Variants in EML6 observed in about 807,000 individuals in gnomAD.
The protein encoded by EML6 is EMAP like 6, also known as echinoderm microtubule-associated protein-like 6.
In EML6, 154 loss-of-function variants were observed where a neutral mutation model predicts 240.1. That is an observed-to-expected ratio of 0.64 (90% CI 0.56 to 0.73). The LOEUF is 0.73. EML6 is among the 30% of genes least tolerant of loss of function. The pLI is 0.00. For synonymous variants in EML6, 1,148 were observed against 899.0 expected (o/e 1.28, Z -4.95); for missense variants, 2,964 against 2,474.6 (o/e 1.20, Z -4.20).
chr2:54,750,929 T>A (rs1684134983), intron 2 of EML6, among the ~76,000 whole-genome samples: 1 of 152,138 alleles, frequency 6.6e-6, no homozygotes, highest in African/African-American at 2.4e-5. Context: ...GGGCCAATTT[T>A]TTTAAAAAGG....
At chr2:54,945,151 C>T (rs1368499966) in intron 28 of EML6, among the ~76,000 whole-genome samples, 21 of 96,596 alleles carry the variant, frequency 2.2e-4, no homozygotes, top group Non-Finnish European at 4.1e-4. Flanking sequence ...CTCATCCCTC[C>T]CTACCCCTCC....
intron 26 of EML6, among the ~76,000 whole-genome samples, chr2:54,921,901 C>A (rs1026525077): frequency 6.6e-6 from 1 of 152,088 alleles, no homozygotes; most frequent in African/African-American, 2.4e-5. Context: ...TGGACTTTAT[C>A]TCACACCATT....
At chr2:54,799,802 G>C (rs1205260580) in intron 2 of EML6, among the ~76,000 whole-genome samples, 1 of 152,194 alleles carries the variant, frequency 6.6e-6, no homozygotes, top group Non-Finnish European at 1.5e-5. Context: ...GGTAAAATTA[G>C]CTCCAAGTTT....
At chr2:54,800,840 C>G (rs1670098242) in intron 2 of EML6, among the ~76,000 whole-genome samples, 1 of 152,144 alleles carries the variant, frequency 6.6e-6, no homozygotes, top group African/African-American at 2.4e-5. Flanking sequence ...GGATCCTCAA[C>G]TCCAGCCCAG....
At chr2:54,867,221 C>A (rs144342278) in intron 14 of EML6, 19 of 178,244 alleles carry the variant, frequency 1.1e-4, no homozygotes, top group African/African-American at 4.0e-4. Flanking sequence ...CCCTAATCCC[C>A]TGCTGTGTTT....
chr2:54,887,840 T>G (rs1428454181), intron 17 of EML6, among the ~76,000 whole-genome samples: 1 of 152,200 alleles, frequency 6.6e-6, no homozygotes, highest in African/African-American at 2.4e-5. Context: ...CCTCCTCATA[T>G]GCACAGCCTC....
rs1308887442 is a variant in EML6 at position 54,949,045 on chromosome 2, C to A, written c.4083+85C>A. 5 of 1,010,714 alleles carry A rather than the reference C, an allele frequency of 4.9e-6. No homozygotes were observed. The African/African-American group carries it at 8.0e-5, about 16-fold the overall frequency. The allele number at this position is 1,010,714 out of a possible 1,614,324, so 62.6% of individuals were successfully genotyped here. ...TCCCCATCTGCACGTCCCAAAGACA[C>A]AGTCAAATGAAACGGAGTAGGTCCC... On this transcript the variant is annotated intron_variant, in intron 29 of 41. Coordinates refer to ENST00000356458, the MANE Select transcript of EML6 (RefSeq NM_001039753.4).
rs1204565871 is a variant in EML6, at chr2:54,887,183, C to A, written c.2439-3871C>A. Reference sequence around the variant, plus strand: ...AGTTGGTGGGTTCTGGGAGCATTGACCTGATCCTTTCATTATACAGCTCCC... The same window carrying A: ...AGTTGGTGGGTTCTGGGAGCATTGAACTGATCCTTTCATTATACAGCTCCC... On this transcript the variant is annotated intron_variant, in intron 17 of 41. Transcript: ENST00000356458. Among the ~76,000 whole-genome samples the A allele has an allele frequency of 2.6e-5, 4 of 152,280 alleles. No individual in the cohort carries two copies. In the East Asian group the frequency reaches 7.7e-4, roughly 29 times the overall value.
rs148513976 is a variant in EML6, at chr2:54,752,446, A to T, written c.197+27188A>T. Among the ~76,000 whole-genome samples, 4 of 152,246 alleles carry T rather than the reference A, an allele frequency of 2.6e-5. No homozygotes were observed. The East Asian group carries it at 7.7e-4, about 29-fold the overall frequency. On this transcript the variant is annotated intron_variant, in intron 2 of 41. Coordinates refer to ENST00000356458, the MANE Select transcript of EML6 (RefSeq NM_001039753.4). ...TGCAGCCTGGAACCTCTCACCTACCACTTCCCAGTCATTATGCCCTCTTGA... is the reference window on the plus strand; with the variant it reads ...TGCAGCCTGGAACCTCTCACCTACCTCTTCCCAGTCATTATGCCCTCTTGA...
In EML6 at chr2:54,970,212, G is replaced by A. The variant is rs888643875; in HGVS notation, c.*117G>A. The A allele has an allele frequency of 8.1e-6, 8 of 987,876 alleles. No homozygotes were observed. The highest frequency in any genetic ancestry group is 1.3e-5 in the Non-Finnish European group (8 of 638,008). 61.2% of individuals were successfully genotyped at this position (987,876 alleles called of 1,614,324 possible). A position where few individuals can be genotyped will look rare whatever the true frequency, so the allele number is the denominator to read the frequency against. On this transcript the variant is annotated 3_prime_UTR_variant, in exon 42 of 42. Coordinates refer to ENST00000356458, the MANE Select transcript of EML6 (RefSeq NM_001039753.4). ...GGGAAATGCCTACCATGCTGCCCCG[G>A]ATGCACAAGCTCAAAACGCTGCAGA...
At chr2:54,933,388 G>T (rs951078548) in intron 28 of EML6, among the ~76,000 whole-genome samples, 2 of 152,092 alleles carry the variant, frequency 1.3e-5, no homozygotes, top group African/African-American at 4.8e-5. Flanking sequence ...GTCTATTACA[G>T]TTCACCCTTT....
At chr2:54,864,063 A>C (rs529970052) in intron 13 of EML6, among the ~76,000 whole-genome samples, 174 bp downstream of exon 13, 1 of 152,226 alleles carries the variant, frequency 6.6e-6, no homozygotes, top group African/African-American at 2.4e-5. Context: ...TGTTTACCCA[A>C]TCATACCATT....
intron 11 of EML6, among the ~76,000 whole-genome samples, chr2:54,858,799 C>G (rs775254454): frequency 6.6e-6 from 1 of 152,126 alleles, no homozygotes; most frequent in Non-Finnish European, 1.5e-5. Context: ...GATGGCCTCC[C>G]CCAACCCTAA....
At chr2:54,797,856 T>A (rs950488406) in intron 2 of EML6, among the ~76,000 whole-genome samples, 6 of 152,220 alleles carry the variant, frequency 3.9e-5, no homozygotes, top group African/African-American at 1.4e-4. Context: ...AGATTTTTTT[T>A]AATCCTTATG....
chr2:54,929,692 ACCT>A (rs67666233), intron 28 of EML6, among the ~76,000 whole-genome samples: 61,882 of 142,778 alleles, frequency 0.43, 13,079 homozygotes, highest in East Asian at 0.67. Context: ...AAGAAATGTA[ACCT>A]CCTCCTCCTC....
Position 54,847,757 on chromosome 2 carries a change from GA to G in EML6, c.1187+135del. ...TCAAATAGGAATACTATAGATCTAC[GA>G]TCCCCTATCTGTAATTCTGAAGTCC... On this transcript the variant is annotated intron_variant, in intron 9 of 41. Transcript: ENST00000356458. 12 of 811,766 alleles carry G rather than the reference GA, an allele frequency of 1.5e-5. 1 individual carries two copies. Among genetic ancestry groups the G allele is most frequent in the South Asian group, 5.4e-5 (2 of 37,066 alleles). 50.3% of individuals were successfully genotyped at this position (811,766 alleles called of 1,614,324 possible).
chr2:54,917,498 G>T (rs1673987703), intron 26 of EML6, among the ~76,000 whole-genome samples: 1 of 151,790 alleles, frequency 6.6e-6, no homozygotes, highest in African/African-American at 2.4e-5. Context: ...CGAGTAGCTG[G>T]ATTACAGACG....
chr2:54,783,197 C>G (rs62136881), intron 2 of EML6, among the ~76,000 whole-genome samples: 3,804 of 152,292 alleles, frequency 0.025, 58 homozygotes, highest in Middle Eastern at 0.048. Context: ...ATGTCATTTA[C>G]TGACCTCATG....
chr2:54,829,590 T>C lies in EML6; in HGVS notation c.847+113T>C, dbSNP rs187337260. 39 of 756,490 alleles carry C rather than the reference T, an allele frequency of 5.2e-5. No individual in the cohort carries two copies. In the East Asian group the frequency reaches 1.0e-3, roughly 20 times the overall value. 46.9% of individuals were successfully genotyped at this position (756,490 alleles called of 1,614,324 possible). On this transcript the variant is annotated intron_variant, in intron 7 of 41. Coordinates refer to ENST00000356458, the MANE Select transcript of EML6 (RefSeq NM_001039753.4). The stretch of plus-strand genomic sequence containing the variant: ...TTTAAAAAGGCAGTTTATATAAATA[T>C]ATTGAATACAAGCAAAAGTATGTTA...
Sources: allele counts gnomAD v4.1 joint callset (sites outside exome capture counted in the v4.1 genomes callset), GRCh38; gene constraint gnomAD v4.1.1; transcripts MANE v1.5; gene names NCBI Gene and HGNC (gene_info 2026-07-23, HGNC 2026-07-21).